Variants in SCML4 observed in about 807,000 individuals in gnomAD.
SCML4 encodes Scm polycomb group protein like 4.
A neutral mutation model predicts 41.1 loss-of-function variants in SCML4; 34 were observed. The observed-to-expected ratio is 0.83, with a 90% confidence interval of 0.63 to 1.10. SCML4 has a LOEUF of 1.10. Ranked by LOEUF, SCML4 falls within the 50% of genes least tolerant of loss-of-function variation. The pLI is 0.00. For synonymous variants in SCML4, 214 were observed against 220.9 expected, an observed-to-expected ratio of 0.97 and a Z score of 0.28; for missense variants, 522 against 534.1, an observed-to-expected ratio of 0.98 and a Z score of 0.22.
intron 1 of SCML4, among the ~76,000 whole-genome samples, chr6:107,812,110 A>C (rs1197226300): frequency 1.3e-5 from 2 of 152,182 alleles, no homozygotes; most frequent in African/African-American, 4.8e-5. Context: ...GACAATAAAC[A>C]CAGTCACCAG....
In SCML4 at chr6:107,791,732, T is replaced by C. The variant is rs147754259; in HGVS notation, c.-59-19346A>G. ...ACTTTGTGAAGCCAAGGCAGAAAGA[T>C]CACTTGAGCCCTGGAGTTCGGGACC... On this transcript the variant is annotated intron_variant, in intron 1 of 7. Transcript: ENST00000369020. Among the ~76,000 whole-genome samples, 1,477 of 152,152 alleles carry C rather than the reference T, an allele frequency of 9.7e-3. 17 individuals are homozygous for C. Among genetic ancestry groups the C allele is most frequent in the African/African-American group, 0.034 (1,404 of 41,508 alleles).
rs568275979 is a variant in SCML4, at chr6:107,788,525, T to C, written c.-59-16139A>G. On this transcript the variant is annotated intron_variant, in intron 1 of 7. Coordinates refer to ENST00000369020, the MANE Select transcript of SCML4 (RefSeq NM_198081.5). The stretch of plus-strand genomic sequence containing the variant: ...TAAAGGCAACATAAAGACAGATCAT[T>C]TCTTTTTATTTGCCAAGCAAAAGAA... Among the ~76,000 whole-genome samples, 7 of 152,352 alleles carry C rather than the reference T, an allele frequency of 4.6e-5. No homozygotes were observed. The South Asian group carries it at 1.2e-3, about 27-fold the overall frequency.
intron 5 of SCML4, among the ~76,000 whole-genome samples, chr6:107,739,439 C>T (rs976114630): frequency 6.6e-6 from 1 of 152,134 alleles, no homozygotes; most frequent in African/African-American, 2.4e-5. Context: ...TTTGCATCTT[C>T]TTATCATGTG....
intron 1 of SCML4, among the ~76,000 whole-genome samples, chr6:107,779,017 A>G (rs1022717197): frequency 2.0e-5 from 3 of 152,032 alleles, no homozygotes; most frequent in Non-Finnish European, 4.4e-5. Flanking sequence ...CGTCTCTACT[A>G]AAAATACAAA....
At chr6:107,715,784 C>A (rs1221738616) in intron 6 of SCML4, among the ~76,000 whole-genome samples, 1 of 152,280 alleles carries the variant, frequency 6.6e-6, no homozygotes, top group South Asian at 2.1e-4. Context: ...TCATCAATAC[C>A]CACCCTTCTG....
In SCML4 at chr6:107,707,984, T is replaced by C. The variant is rs1474942634; in HGVS notation, c.1001A>G (p.Asp334Gly). The stretch of plus-strand genomic sequence containing the variant: ...GTTCCTGCTCCGTGGCCGCCTGGCA[T>C]CCTGCGCATCCTGAGAAGGGCTTGA... ...CASSPSQDAQDARRPRSRNPS... is the reference protein window; with the variant it reads ...CASSPSQDAQGARRPRSRNPS... The change falls in exon 7 of 8, where the codon GAT becomes GGT. Residue 334 changes from aspartate to glycine, a missense_variant. Asp to Gly is a moderately conservative substitution (Grantham distance 94). Transcript: ENST00000369020. 6.4e-7 allele frequency: 1 copy of C among 1,551,134 alleles called. No individual in the cohort carries two copies. Among genetic ancestry groups the C allele is most frequent in the East Asian group, 2.4e-5 (1 of 40,908 alleles).
At chr6:107,769,970 T>C (rs970186358) in intron 2 of SCML4, among the ~76,000 whole-genome samples, 4 of 152,180 alleles carry the variant, frequency 2.6e-5, no homozygotes, top group African/African-American at 9.7e-5. Flanking sequence ...ATATCTTACT[T>C]TGCTTGGTCA....
intron 1 of SCML4, among the ~76,000 whole-genome samples, chr6:107,781,473 A>C (rs938973): frequency 1 from 151,775 of 152,138 alleles, 75,709 homozygotes; most frequent in Non-Finnish European, 1. Flanking sequence ...AGGGCATAAC[A>C]CCATCTCTAC....
chr6:107,743,492 A>G (rs1426024320), intron 5 of SCML4, among the ~76,000 whole-genome samples: 2 of 152,248 alleles, frequency 1.3e-5, no homozygotes, highest in East Asian at 3.8e-4. Flanking sequence ...CACTCACTAG[A>G]AGATAAATAG....
intron 2 of SCML4, among the ~76,000 whole-genome samples, chr6:107,771,178 T>C (rs994392004): frequency 6.6e-6 from 1 of 152,214 alleles, no homozygotes; most frequent in East Asian, 1.9e-4. Context: ...TTGGAAGAAC[T>C]ATGGAGAACC....
the SCML4 span, among the ~76,000 whole-genome samples, chr6:107,833,266 G>A: frequency 1.3e-5 from 2 of 152,180 alleles, no homozygotes; most frequent in African/African-American, 4.8e-5. Context: ...TAAAAGAAGT[G>A]CTGTGTACTA....
chr6:107,805,488 C>T (rs1172223500), intron 1 of SCML4, among the ~76,000 whole-genome samples: 1 of 152,126 alleles, frequency 6.6e-6, no homozygotes, highest in Non-Finnish European at 1.5e-5. Flanking sequence ...CATTTTCATA[C>T]CCCCATTTAA....
At chr6:107,754,687 A>G (rs1373364851) in intron 2 of SCML4, among the ~76,000 whole-genome samples, 1 of 152,234 alleles carries the variant, frequency 6.6e-6, no homozygotes, top group Non-Finnish European at 1.5e-5. Context: ...TCACACAAAG[A>G]TACTTGTGAT....
intron 1 of SCML4, among the ~76,000 whole-genome samples, chr6:107,776,317 G>A (rs576953684): frequency 7.0e-4 from 107 of 152,264 alleles, no homozygotes; most frequent in African/African-American, 2.4e-3. Flanking sequence ...AGTAGTCACG[G>A]TTTTTACCAT....
intron 1 of SCML4, among the ~76,000 whole-genome samples, chr6:107,818,848 G>GTGTT (rs1221248249): frequency 6.6e-6 from 1 of 152,238 alleles, no homozygotes; most frequent in African/African-American, 2.4e-5. Flanking sequence ...CAGGGCCTTA[G>GTGTT]ACATGGCAGC....
chr6:107,818,115 C>G (rs1262198873), intron 1 of SCML4, among the ~76,000 whole-genome samples: 1 of 152,304 alleles, frequency 6.6e-6, no homozygotes, highest in Non-Finnish European at 1.5e-5. Context: ...AATTTGCATA[C>G]CCAAATTTAA....
chr6:107,717,613 T>G (rs529490996), intron 6 of SCML4, among the ~76,000 whole-genome samples: 1 of 152,208 alleles, frequency 6.6e-6, no homozygotes, highest in Non-Finnish European at 1.5e-5. Flanking sequence ...AGTGGCGCAA[T>G]CTCTGCTCAC....
At chr6:107,749,971 T>A (rs1252987154) in intron 2 of SCML4, among the ~76,000 whole-genome samples, 158 bp from the exon 3 acceptor site, 2 of 151,750 alleles carry the variant, frequency 1.3e-5, no homozygotes, top group Admixed American at 1.3e-4. Context: ...TTCAAGTTCA[T>A]GCTCAGGATT....
intron 1 of SCML4, among the ~76,000 whole-genome samples, chr6:107,807,069 T>A (rs1204986797): frequency 6.6e-6 from 1 of 152,086 alleles, no homozygotes; most frequent in Non-Finnish European, 1.5e-5. Flanking sequence ...AGCTTTTTTT[T>A]TTTTTTTTTG....
Sources: gnomAD v4.1 joint callset for allele counts (sites outside exome capture counted in the v4.1 genomes callset) on GRCh38, gnomAD v4.1.1 for gene constraint, MANE v1.5 for transcripts, NCBI Gene and HGNC (gene_info 2026-07-23, HGNC 2026-07-21) for gene names.